The following SLC9A9 variants were observed in gnomAD, a reference collection of about 807,000 sequenced individuals.
SLC9A9 encodes sodium/hydrogen exchanger 9.
In SLC9A9, 62 loss-of-function variants were observed where a neutral mutation model predicts 77.8. The observed-to-expected ratio is 0.80, with a 90% CI of 0.65 to 0.98. The LOEUF is 0.98. SLC9A9 is among the 50% of genes least tolerant of loss of function. The probability of loss-of-function intolerance (pLI) is 0.00; values close to 1 mark genes in which losing one functional copy is unlikely to be tolerated. For missense variants in SLC9A9, 775 were observed against 774.9 expected, an observed-to-expected ratio of 1.00 and a Z score of 0.00; for synonymous variants, 320 against 283.5, an observed-to-expected ratio of 1.13 and a Z score of -1.29.
At chr3:143,834,037 T>G (rs6440196) in intron 1 of SLC9A9, among the ~76,000 whole-genome samples, 144,897 of 152,204 alleles carry the variant, frequency 0.95, 69,064 homozygotes, top group East Asian at 1. Context: ...AAACCAATCA[T>G]GCTTTCATGT....
chr3:143,444,835 A>T (rs948164327), intron 12 of SLC9A9, among the ~76,000 whole-genome samples: 1 of 152,234 alleles, frequency 6.6e-6, no homozygotes, highest in Non-Finnish European at 1.5e-5. Context: ...TTCAATTGGC[A>T]TGAATGTGGC....
intron 1 of SLC9A9, among the ~76,000 whole-genome samples, chr3:143,835,538 G>A (rs1249202712): frequency 4.6e-5 from 7 of 152,218 alleles, no homozygotes; most frequent in Admixed American, 2.6e-4. Flanking sequence ...GCCATATGCT[G>A]ACAGAAATAT....
chr3:143,560,737 A>T (rs2037070267), intron 8 of SLC9A9, among the ~76,000 whole-genome samples: 1 of 152,058 alleles, frequency 6.6e-6, no homozygotes, highest in Admixed American at 6.6e-5. Context: ...TTCAAAAAAA[A>T]AAGGAAACAA....
At chr3:143,527,544 C>T (rs1177260791) in intron 9 of SLC9A9, among the ~76,000 whole-genome samples, 3 of 152,162 alleles carry the variant, frequency 2.0e-5, no homozygotes, top group Non-Finnish European at 1.5e-5. Flanking sequence ...AGGTCTCATA[C>T]AATGAAGATA....
chr3:143,708,153 A>G (rs1934043096), intron 4 of SLC9A9, among the ~76,000 whole-genome samples: 1 of 152,188 alleles, frequency 6.6e-6, no homozygotes, highest in Admixed American at 6.5e-5. Context: ...GATCTACTCA[A>G]AGATGAACTA....
At chr3:143,320,007 C>T (rs1446522833) in intron 14 of SLC9A9, among the ~76,000 whole-genome samples, 2 of 152,174 alleles carry the variant, frequency 1.3e-5, no homozygotes, top group Non-Finnish European at 2.9e-5. Flanking sequence ...CCACAGCTTG[C>T]CCTATAAACA....
chr3:143,808,980 T>C (rs2008795573), intron 2 of SLC9A9, among the ~76,000 whole-genome samples: 1 of 152,148 alleles, frequency 6.6e-6, no homozygotes, highest in Non-Finnish European at 1.5e-5. Flanking sequence ...CTGTGCAAAA[T>C]TTGAGGAAAG....
At chr3:143,532,930 A>G (rs1349359323) in intron 9 of SLC9A9, among the ~76,000 whole-genome samples, 1 of 152,168 alleles carries the variant, frequency 6.6e-6, no homozygotes. Flanking sequence ...TCAGCTGAAG[A>G]GTCTCTTCTC....
chr3:143,777,172 G>A (rs571844573), intron 4 of SLC9A9, among the ~76,000 whole-genome samples: 8 of 152,078 alleles, frequency 5.3e-5, no homozygotes, highest in Non-Finnish European at 7.4e-5. Context: ...CGTTTTACTG[G>A]GCTCTTCCTG....
intron 12 of SLC9A9, among the ~76,000 whole-genome samples, chr3:143,453,542 CAAATT>C (rs2035041435): frequency 6.6e-6 from 1 of 152,026 alleles, no homozygotes; most frequent in Non-Finnish European, 1.5e-5. Context: ...ATCATACTAA[CAAATT>C]AAAAGAAGAA....
chr3:143,653,767 G>A (rs574487223), intron 5 of SLC9A9, among the ~76,000 whole-genome samples: 20 of 152,292 alleles, frequency 1.3e-4, no homozygotes, highest in African/African-American at 4.8e-4. Context: ...AGGACAGGAA[G>A]AGGCCCGGAT....
At chr3:143,574,236 C>G (rs370876218) in intron 7 of SLC9A9, 43 bp from the exon 8 acceptor site, 31 of 1,460,778 alleles carry the variant, frequency 2.1e-5, no homozygotes, top group Non-Finnish European at 2.8e-5. Context: ...GCTTTTACAG[C>G]TACATCTCCT....
chr3:143,635,395 G>A (rs2038502128), intron 6 of SLC9A9, among the ~76,000 whole-genome samples: 2 of 152,152 alleles, frequency 1.3e-5, no homozygotes, highest in African/African-American at 2.4e-5. Flanking sequence ...TTCTGGATAG[G>A]AGTGTCAATG....
chr3:143,735,576 A>G (rs527591667), intron 4 of SLC9A9, among the ~76,000 whole-genome samples: 27 of 152,254 alleles, frequency 1.8e-4, no homozygotes, highest in Non-Finnish European at 3.8e-4. Context: ...ATGAATGAAT[A>G]AATGAATGAA....
chr3:143,376,566 TTAAAG>T (rs1392488887), intron 13 of SLC9A9, among the ~76,000 whole-genome samples: 6 of 152,240 alleles, frequency 3.9e-5, no homozygotes, highest in African/African-American at 7.2e-5. Context: ...AAAATGCTTA[TTAAAG>T]TATAGCTGCC....
At chr3:143,676,542 T>C (rs1283162518) in intron 5 of SLC9A9, among the ~76,000 whole-genome samples, 1 of 152,004 alleles carries the variant, frequency 6.6e-6, no homozygotes, top group Non-Finnish European at 1.5e-5. Flanking sequence ...AGCGACACCA[T>C]CCTGCTCAAC....
At chr3:143,677,317 AC>A (rs1366453160) in intron 5 of SLC9A9, among the ~76,000 whole-genome samples, 1 of 152,220 alleles carries the variant, frequency 6.6e-6, no homozygotes, top group Non-Finnish European at 1.5e-5. Context: ...ATTTTTATAT[AC>A]ATTTTTGCAT....
At chr3:143,456,564 C>A (rs942032065) in intron 12 of SLC9A9, among the ~76,000 whole-genome samples, 6 of 138,296 alleles carry the variant, frequency 4.3e-5, no homozygotes, top group Admixed American at 1.4e-4. Flanking sequence ...CTATTTCTTT[C>A]TTTCTTTTTT....
At chr3:143,464,270 A>G (rs964169922) in intron 12 of SLC9A9, among the ~76,000 whole-genome samples, 2 of 152,228 alleles carry the variant, frequency 1.3e-5, no homozygotes, top group African/African-American at 4.8e-5. Flanking sequence ...TCTGTAAACA[A>G]GCAAAGCCTT....
Sources: allele counts gnomAD v4.1 joint callset (sites outside exome capture counted in the v4.1 genomes callset), GRCh38; gene constraint gnomAD v4.1.1; transcripts MANE v1.5; gene names NCBI Gene and HGNC (gene_info 2026-07-23, HGNC 2026-07-21).